The following RFTN1 variants were observed in gnomAD, a reference collection of about 807,000 sequenced individuals.
RFTN1 encodes the protein raftlin.
A neutral mutation model predicts 46.5 loss-of-function variants in RFTN1; 26 were observed. The observed-to-expected ratio is 0.56, with a 90% confidence interval of 0.41 to 0.78. The LOEUF (loss-of-function observed/expected upper bound fraction) is 0.78, where lower values mean the gene tolerates loss of function less well. Ranked by LOEUF, RFTN1 falls within the 30% of genes least tolerant of loss-of-function variation. The pLI, the probability that RFTN1 is intolerant of heterozygous loss-of-function variation, is 0.00. For synonymous variants in RFTN1, 261 were observed against 284.2 expected, an observed-to-expected ratio of 0.92 and a Z score of 0.82; for missense variants, 693 against 718.7, an observed-to-expected ratio of 0.96 and a Z score of 0.41.
At chr3:16,454,279 A>C (rs2075867547) in intron 2 of RFTN1, among the ~76,000 whole-genome samples, 1 of 152,256 alleles carries the variant, frequency 6.6e-6, no homozygotes, top group Non-Finnish European at 1.5e-5. Context: ...TTATCAATTC[A>C]CAGTCCATCT....
rs1265477535 is a variant in RFTN1, at chr3:16,376,602, A to C, written c.826+1116T>G. Among the ~76,000 whole-genome samples the C allele has an allele frequency of 6.6e-6, 1 of 152,248 alleles. No homozygotes were observed. The highest frequency in any genetic ancestry group is 1.5e-5 in the Non-Finnish European group (1 of 68,042). On this transcript the variant is annotated intron_variant, in intron 5 of 9. Transcript: ENST00000334133. This position sits in a 1 kb window ranked among gnomAD's most constrained non-coding sequence, Gnocchi z 4.7. ...CAGCTACTTCATGAGGGCAGCAGGC[A>C]TGTGCCTCAAACAGCGAAAAATCAC... is the stretch of plus-strand genomic sequence containing the variant.
chr3:16,369,866 A>T (rs2073420577), intron 6 of RFTN1, among the ~76,000 whole-genome samples: 1 of 152,218 alleles, frequency 6.6e-6, no homozygotes, highest in Non-Finnish European at 1.5e-5. Context: ...TTCAGAAGAT[A>T]CCTGGCTGAC....
At chr3:16,357,909 G>A (rs115463599) in intron 7 of RFTN1, 23 bp downstream of exon 7, 35,815 of 1,432,386 alleles carry the variant, frequency 0.025, 631 homozygotes, top group Middle Eastern at 0.074. Flanking sequence ...CAAAAGAAGC[G>A]GGGCTGCCAA....
chr3:16,373,960 G>T (rs1483042566), intron 5 of RFTN1, among the ~76,000 whole-genome samples: 3 of 152,190 alleles, frequency 2.0e-5, no homozygotes, highest in Non-Finnish European at 2.9e-5. Flanking sequence ...CTAAGGCTTG[G>T]GTACTAATAG....
rs574656189 is a variant in RFTN1, at chr3:16,400,901, C to T, written c.441+8474G>A. 7.2e-5 allele frequency among the ~76,000 whole-genome samples: 11 copies of T among 152,280 alleles called. No homozygotes were observed. Among genetic ancestry groups the T allele is most frequent in the Admixed American group, 2.0e-4 (3 of 15,304 alleles). On this transcript the variant is annotated intron_variant, in intron 4 of 9. Transcript: ENST00000334133. The surrounding 1 kb of genome is among the most constrained non-coding windows in gnomAD (Gnocchi z 4.5). The stretch of plus-strand genomic sequence containing the variant: ...GCCTGTAACCTTCCTCCTCCCTCCC[C>T]TGCCAGCATCAAAGGAGGGGATGCC...
chr3:16,412,567 G>T (rs1400531335), intron 3 of RFTN1, among the ~76,000 whole-genome samples: 4 of 152,226 alleles, frequency 2.6e-5, no homozygotes, highest in African/African-American at 9.6e-5. Flanking sequence ...GGGAGACCAT[G>T]GTTGCTGTGG....
At chr3:16,323,783 G>A (rs1018782183) in intron 8 of RFTN1, among the ~76,000 whole-genome samples, 1 of 152,194 alleles carries the variant, frequency 6.6e-6, no homozygotes, top group Non-Finnish European at 1.5e-5. Flanking sequence ...AAGGGGCAGG[G>A]GCCTTTTCCA....
chr3:16,336,049 C>G lies in RFTN1; in HGVS notation c.1147-9173G>C, dbSNP rs2070816252. 6.6e-6 allele frequency among the ~76,000 whole-genome samples: 1 copy of G among 152,174 alleles called. No homozygotes were observed. The highest frequency in any genetic ancestry group is 1.5e-5 in the Non-Finnish European group (1 of 68,018). On this transcript the variant is annotated intron_variant, in intron 7 of 9. Coordinates refer to ENST00000334133, the MANE Select transcript of RFTN1 (RefSeq NM_015150.2). The surrounding 1 kb of genome is among the most constrained non-coding windows in gnomAD (Gnocchi z 6.0). The stretch of plus-strand genomic sequence containing the variant: ...CGAGGAGGGTAGAGGTCCTGTTCTC[C>G]TACGGCCATGGAAAGTGGAGATCTA...
At chr3:16,350,651 A>G (rs2125317735) in intron 7 of RFTN1, among the ~76,000 whole-genome samples, 1 of 152,210 alleles carries the variant, frequency 6.6e-6, no homozygotes, top group East Asian at 1.9e-4. Context: ...CTTCCTCGTT[A>G]CTCACCTGTG....
intron 2 of RFTN1, among the ~76,000 whole-genome samples, chr3:16,439,789 T>A (rs764112176): frequency 2.0e-5 from 3 of 152,136 alleles, no homozygotes; most frequent in Admixed American, 2.0e-4. Flanking sequence ...GCACTAGGGA[T>A]TCTGGGCTAA....
rs1559352471 is a variant in RFTN1, at chr3:16,447,521, C to T, written c.146-13484G>A. ...GCATTTAGGATGCCTTGGGATTCTG[C>T]TTTTCAGAGGCATTTTGGTTCCCAC... On this transcript the variant is annotated intron_variant, in intron 2 of 9. Coordinates refer to ENST00000334133, the MANE Select transcript of RFTN1 (RefSeq NM_015150.2). The surrounding 1 kb of genome is among the most constrained non-coding windows in gnomAD (Gnocchi z 5.9). 6.6e-6 allele frequency among the ~76,000 whole-genome samples: 1 copy of T among 152,316 alleles called. No individual in the cohort carries two copies. Among genetic ancestry groups the T allele is most frequent in the Non-Finnish European group, 1.5e-5 (1 of 68,028 alleles).
chr3:16,365,410 C>G (rs1054919510), intron 6 of RFTN1, among the ~76,000 whole-genome samples: 1 of 151,944 alleles, frequency 6.6e-6, no homozygotes, highest in Non-Finnish European at 1.5e-5. Context: ...GGGTTGGTTG[C>G]GAGTATGTCT....
At position 16,513,677 on chromosome 3, in the gene RFTN1, G is replaced by T. The variant is rs1032994797; in HGVS notation, c.-244C>A. 6.7e-6 allele frequency: 1 copy of T among 150,146 alleles called. No individual in the cohort carries two copies. Among genetic ancestry groups the T allele is most frequent in the African/African-American group, 2.4e-5 (1 of 40,936 alleles). 9.3% of individuals were successfully genotyped at this position (150,146 alleles called of 1,614,324 possible). A position where few individuals can be genotyped will look rare whatever the true frequency, so the allele number is the denominator to read the frequency against. ...CGCGCTCTCGCTCGCTGCGCCCAGC[G>T]CCCGGCGCGCTCCGGCTCCAGCCCC... On this transcript the variant is annotated 5_prime_UTR_variant, in exon 1 of 10. Transcript: ENST00000334133. The surrounding 1 kb of genome is among the most constrained non-coding windows in gnomAD (Gnocchi z 5.4).
rs1185135043 is a variant in RFTN1, at chr3:16,322,490, G to A, written c.1332+886C>T. ...CCGAGCAGGTCAGGCAGGCCCTGCC[G>A]AGAATGTGGCCTCAGCCATCAAAGG... On this transcript the variant is annotated intron_variant, in intron 9 of 9. Transcript: ENST00000334133. This position sits in a 1 kb window ranked among gnomAD's most constrained non-coding sequence, Gnocchi z 6.2. Among the ~76,000 whole-genome samples, 4 of 152,334 alleles carry A rather than the reference G, an allele frequency of 2.6e-5. No homozygotes were observed. The highest frequency in any genetic ancestry group is 1.3e-4 in the Admixed American group (2 of 15,298).
chr3:16,395,560 C>T (rs13082486), intron 4 of RFTN1, among the ~76,000 whole-genome samples: 24,961 of 152,018 alleles, frequency 0.16, 2,353 homozygotes, highest in East Asian at 0.3. Context: ...ATCCACCCCC[C>T]TCGGCCTCCT....
intron 6 of RFTN1, among the ~76,000 whole-genome samples, chr3:16,366,927 A>AG (rs1314415724): frequency 1.3e-5 from 2 of 152,290 alleles, no homozygotes; most frequent in African/African-American, 4.8e-5. Flanking sequence ...CGACCCAGGG[A>AG]GAGGAGTCCT....
At chr3:16,439,632 A>T (rs1331904911) in intron 2 of RFTN1, among the ~76,000 whole-genome samples, 1 of 152,224 alleles carries the variant, frequency 6.6e-6, no homozygotes, top group Non-Finnish European at 1.5e-5. Flanking sequence ...GAGTTCCCCC[A>T]AACCAGAGCT....
chr3:16,438,294 C>T (rs1179364316), intron 2 of RFTN1, among the ~76,000 whole-genome samples: 1 of 151,972 alleles, frequency 6.6e-6, no homozygotes, highest in African/African-American at 2.4e-5. Flanking sequence ...GTTTAGAAGA[C>T]AGGGTTCTTG....
chr3:16,446,217 C>T lies in RFTN1; in HGVS notation c.146-12180G>A, dbSNP rs574084910. Among the ~76,000 whole-genome samples, 1 of 151,726 alleles carries T rather than the reference C, an allele frequency of 6.6e-6. No individual in the cohort carries two copies. Among genetic ancestry groups the T allele is most frequent in the South Asian group, 2.1e-4 (1 of 4,810 alleles). On this transcript the variant is annotated intron_variant, in intron 2 of 9. Transcript: ENST00000334133. This position sits in a 1 kb window ranked among gnomAD's most constrained non-coding sequence, Gnocchi z 4.5. ...GCCCTAAAGCAGATTAGCCACAAGA[C>T]CAAGATGAAAGAACCATAATGAGTC...
Sources: allele counts gnomAD v4.1 joint callset (sites outside exome capture counted in the v4.1 genomes callset), GRCh38; gene constraint gnomAD v4.1.1; non-coding constraint Gnocchi (gnomAD v3.1); transcripts MANE v1.5; gene names NCBI Gene and HGNC (gene_info 2026-07-23, HGNC 2026-07-21).